TBC1D5: variants seen among roughly 807,000 people sequenced by gnomAD.
The protein encoded by TBC1D5 is TBC1 domain family, member 5.
TBC1D5 carries 75 observed loss-of-function variants against 100.3 expected under a neutral mutation model. The observed-to-expected ratio is 0.75, with a 90% CI of 0.62 to 0.91. The LOEUF (loss-of-function observed/expected upper bound fraction) is 0.91, where lower values mean the gene tolerates loss of function less well. Among genes scored for constraint, TBC1D5 ranks in the 40% least tolerant of loss-of-function variants. The probability of loss-of-function intolerance (pLI) is 0.00; values close to 1 mark genes in which losing one functional copy is unlikely to be tolerated. For missense variants in TBC1D5, 910 were observed against 942.4 expected, an observed-to-expected ratio of 0.97 and a Z score of 0.45; for synonymous variants, 323 against 325.6, an observed-to-expected ratio of 0.99 and a Z score of 0.09.
chr3:17,727,093 C>G (rs1453081854), intron 1 of TBC1D5, among the ~76,000 whole-genome samples: 2 of 152,070 alleles, frequency 1.3e-5, no homozygotes, highest in Non-Finnish European at 1.5e-5. Flanking sequence ...TTAAAATGTA[C>G]AAAAATTGGC....
intron 1 of TBC1D5, among the ~76,000 whole-genome samples, chr3:17,678,666 TAA>T (rs150614567): frequency 6.4e-5 from 7 of 109,076 alleles, no homozygotes; most frequent in South Asian, 5.3e-4. Flanking sequence ...AAAAGAGGGA[TAA>T]AAAAAAAAAA....
intron 3 of TBC1D5, among the ~76,000 whole-genome samples, chr3:17,495,216 C>T (rs1276796351): frequency 6.6e-6 from 1 of 152,204 alleles, no homozygotes; most frequent in Non-Finnish European, 1.5e-5. Context: ...GCCATCTTGG[C>T]CCCACTCTGC....
chr3:17,729,073 A>G (rs1421970361), intron 1 of TBC1D5, among the ~76,000 whole-genome samples: 2 of 151,096 alleles, frequency 1.3e-5, no homozygotes, highest in Non-Finnish European at 2.9e-5. Context: ...AAAGGCTCAA[A>G]CAGGCAATAA....
At chr3:17,705,464 G>T (rs964109537) in intron 1 of TBC1D5, among the ~76,000 whole-genome samples, 1 of 149,170 alleles carries the variant, frequency 6.7e-6, no homozygotes, top group Non-Finnish European at 1.5e-5. Context: ...GGCAGCTGTC[G>T]GGCGGAGGGG....
At chr3:17,447,000 T>TA (rs1286337052) in intron 3 of TBC1D5, among the ~76,000 whole-genome samples, 1 of 150,878 alleles carries the variant, frequency 6.6e-6, no homozygotes, top group Non-Finnish European at 1.5e-5. Flanking sequence ...TTGAAAAGCA[T>TA]AAGAAACAAG....
Position 17,184,849 on chromosome 3 carries a change from C to A in TBC1D5, c.1852+260G>T, listed in dbSNP as rs970850528. On this transcript the variant is annotated intron_variant, in intron 19 of 21. Transcript: ENST00000253692. ...TGAGCCACGGCATCCAGCTTATAATCGGATTGCTTGATTTTGAATTTCCAC... is the reference window on the plus strand; with the variant it reads ...TGAGCCACGGCATCCAGCTTATAATAGGATTGCTTGATTTTGAATTTCCAC... 5.8e-5 allele frequency: 13 copies of A among 223,818 alleles called. No individual in the cohort carries two copies. In the South Asian group the frequency reaches 1.0e-3, roughly 18 times the overall value. The allele number at this position is 223,818 out of a possible 1,614,324, so 13.9% of individuals were successfully genotyped here.
intron 15 of TBC1D5, among the ~76,000 whole-genome samples, chr3:17,260,360 T>A (rs1179089368): frequency 1.3e-5 from 2 of 152,144 alleles, no homozygotes; most frequent in Non-Finnish European, 2.9e-5. Context: ...AACATCTTTA[T>A]AAAGAAATGA....
At chr3:17,572,191 G>C (rs1014504099) in intron 2 of TBC1D5, among the ~76,000 whole-genome samples, 2 of 150,796 alleles carry the variant, frequency 1.3e-5, no homozygotes. Flanking sequence ...ACCCTCCTAA[G>C]ATTATCCCCC....
At chr3:17,619,810 T>G (rs182156563) in intron 2 of TBC1D5, among the ~76,000 whole-genome samples, 1 of 152,194 alleles carries the variant, frequency 6.6e-6, no homozygotes, top group Non-Finnish European at 1.5e-5. Context: ...ATTTGCAACA[T>G]ATATCACAGA....
intron 1 of TBC1D5, among the ~76,000 whole-genome samples, chr3:17,671,332 G>T (rs1249746947): frequency 6.6e-6 from 1 of 152,086 alleles, no homozygotes; most frequent in African/African-American, 2.4e-5. Context: ...TGCTTCTCTC[G>T]TAGATGAAAA....
chr3:17,695,183 A>C (rs1377462158), intron 1 of TBC1D5, among the ~76,000 whole-genome samples: 1 of 152,236 alleles, frequency 6.6e-6, no homozygotes, highest in Non-Finnish European at 1.5e-5. Flanking sequence ...AAGAAACTGC[A>C]TCAATTAAAG....
chr3:17,311,847 G>C (rs908756249), intron 13 of TBC1D5, among the ~76,000 whole-genome samples: 1 of 151,994 alleles, frequency 6.6e-6, no homozygotes, highest in Non-Finnish European at 1.5e-5. Context: ...CACTAGGTGA[G>C]CATGCTTACA....
At chr3:17,291,412 G>A (rs139947036) in intron 15 of TBC1D5, among the ~76,000 whole-genome samples, 2 of 152,054 alleles carry the variant, frequency 1.3e-5, no homozygotes, top group Non-Finnish European at 2.9e-5. Flanking sequence ...ACTCTTAACC[G>A]CCCAAATAAG....
chr3:17,497,978 G>A (rs2150727872), intron 3 of TBC1D5, among the ~76,000 whole-genome samples: 1 of 152,046 alleles, frequency 6.6e-6, no homozygotes, highest in East Asian at 1.9e-4. Flanking sequence ...TTATCAAGTG[G>A]TAGAATATCA....
At chr3:17,657,330 T>C (rs2066177073) in intron 1 of TBC1D5, among the ~76,000 whole-genome samples, 1 of 36,904 alleles carries the variant, frequency 2.7e-5, no homozygotes, top group Non-Finnish European at 6.3e-5. Flanking sequence ...AAATTCTTTC[T>C]TTTTTTTTTT....
intron 2 of TBC1D5, among the ~76,000 whole-genome samples, chr3:17,534,663 G>C (rs2096266210): frequency 6.6e-6 from 1 of 152,168 alleles, no homozygotes; most frequent in Non-Finnish European, 1.5e-5. Flanking sequence ...GGTGTTACAA[G>C]TGTAAGAATC....
At chr3:17,523,588 T>G (rs2096088860) in intron 2 of TBC1D5, among the ~76,000 whole-genome samples, 1 of 151,968 alleles carries the variant, frequency 6.6e-6, no homozygotes, top group Admixed American at 6.6e-5. Context: ...GCCAGCAAAA[T>G]GGACAATAAA....
intron 3 of TBC1D5, among the ~76,000 whole-genome samples, chr3:17,460,858 C>T (rs1374990857): frequency 6.6e-6 from 1 of 151,508 alleles, no homozygotes; most frequent in Non-Finnish European, 1.5e-5. Flanking sequence ...ATTATACTAA[C>T]ACATGTAAGA....
At chr3:17,161,180 CCAT>C (rs766955084) in exon 22 of TBC1D5, 2 of 1,614,206 alleles carry the variant, frequency 1.2e-6, no homozygotes, top group Non-Finnish European at 1.7e-6. Context: ...GGCACTGCTC[CCAT>C]CATCATCTTT....
Sources: gnomAD v4.1 joint callset for allele counts (sites outside exome capture counted in the v4.1 genomes callset) on GRCh38, gnomAD v4.1.1 for gene constraint, MANE v1.5 for transcripts, NCBI Gene and HGNC (gene_info 2026-07-23, HGNC 2026-07-21) for gene names.